The following EPHA3 variants were observed in gnomAD, a reference collection of about 807,000 sequenced individuals.
The protein encoded by EPHA3 is EPH receptor A3.
In EPHA3, 42 loss-of-function variants were observed where a neutral mutation model predicts 107.1. The observed-to-expected ratio is 0.39, with a 90% CI of 0.31 to 0.51. The LOEUF is 0.51. EPHA3 is among the 20% of genes least tolerant of loss of function. EPHA3 has a pLI of 0.78. For synonymous variants in EPHA3, 461 were observed against 424.8 expected (o/e 1.09, Z -1.05); for missense variants, 1,183 against 1,211.2 (o/e 0.98, Z 0.35).
chr3:89,122,311 G>C (rs995655341), intron 1 of EPHA3, among the ~76,000 whole-genome samples: 3 of 152,068 alleles, frequency 2.0e-5, no homozygotes, highest in African/African-American at 7.2e-5. Flanking sequence ...TTGTTGTAGT[G>C]GTTTTATAGT....
intron 3 of EPHA3, among the ~76,000 whole-genome samples, chr3:89,250,986 C>G (rs1182315086): frequency 6.6e-6 from 1 of 152,108 alleles, no homozygotes; most frequent in East Asian, 1.9e-4. Context: ...AAAGGATTAA[C>G]ATCTTTCATG....
intron 2 of EPHA3, among the ~76,000 whole-genome samples, chr3:89,143,743 G>A (rs929059791): frequency 2.6e-5 from 4 of 151,522 alleles, no homozygotes; most frequent in African/African-American, 9.7e-5. Context: ...ATAAGCTACA[G>A]ACTTTATTCA....
At chr3:89,229,583 T>C (rs1242226692) in intron 3 of EPHA3, among the ~76,000 whole-genome samples, 1 of 151,280 alleles carries the variant, frequency 6.6e-6, no homozygotes, top group African/African-American at 2.4e-5. Flanking sequence ...TTACTAAAAA[T>C]AATTATAATA....
chr3:89,242,480 C>A (rs1704922485), intron 3 of EPHA3, among the ~76,000 whole-genome samples: 1 of 152,144 alleles, frequency 6.6e-6, no homozygotes, highest in Non-Finnish European at 1.5e-5. Flanking sequence ...CTCTGTCGCC[C>A]AGGCTGCAGT....
intron 11 of EPHA3, among the ~76,000 whole-genome samples, chr3:89,424,832 T>C (rs886825450): frequency 2.0e-5 from 3 of 151,442 alleles, no homozygotes; most frequent in Non-Finnish European, 3.0e-5. Context: ...GTTGTTATCT[T>C]TGAAGATGTT....
intron 3 of EPHA3, among the ~76,000 whole-genome samples, chr3:89,238,340 G>A (rs1704820661): frequency 6.6e-6 from 1 of 152,146 alleles, no homozygotes; most frequent in African/African-American, 2.4e-5. Context: ...ATCTCATCAA[G>A]TAACAATAGA....
At chr3:89,360,553 G>A (rs80349338) in intron 5 of EPHA3, among the ~76,000 whole-genome samples, 1,772 of 150,990 alleles carry the variant, frequency 0.012, 42 homozygotes, top group African/African-American at 0.04. Flanking sequence ...ATCTACATCA[G>A]CATAGTCTAT....
intron 3 of EPHA3, among the ~76,000 whole-genome samples, chr3:89,252,796 T>C (rs997598029): frequency 4.1e-4 from 62 of 151,438 alleles, no homozygotes; most frequent in Middle Eastern, 3.2e-3. Flanking sequence ...AGATACAATA[T>C]GATTTGCAGG....
intron 2 of EPHA3, among the ~76,000 whole-genome samples, chr3:89,201,647 CT>C (rs1705971296): frequency 6.6e-6 from 1 of 152,134 alleles, no homozygotes; most frequent in South Asian, 2.1e-4. Context: ...TAATAATCAT[CT>C]TGTTTTCATG....
chr3:89,372,254 T>C (rs1708321310), intron 5 of EPHA3, among the ~76,000 whole-genome samples: 6 of 151,594 alleles, frequency 4.0e-5, no homozygotes, highest in Admixed American at 4.0e-4. Flanking sequence ...GGACAACTCA[T>C]AGCTTCACTA....
intron 3 of EPHA3, among the ~76,000 whole-genome samples, chr3:89,219,769 C>T (rs1244743479): frequency 2.7e-5 from 3 of 111,458 alleles, no homozygotes; most frequent in Admixed American, 1.2e-4. Flanking sequence ...AGTGCAGTGG[C>T]GGGATCTCGG....
At chr3:89,138,987 G>T (rs1559748734) in intron 2 of EPHA3, among the ~76,000 whole-genome samples, 1 of 151,778 alleles carries the variant, frequency 6.6e-6, no homozygotes, top group Non-Finnish European at 1.5e-5. Context: ...ACAAAAGAGT[G>T]TGTGTTGGGG....
At chr3:89,123,694 G>C (rs1473048055) in intron 1 of EPHA3, among the ~76,000 whole-genome samples, 2 of 151,924 alleles carry the variant, frequency 1.3e-5, no homozygotes, top group Non-Finnish European at 2.9e-5. Context: ...TACTTAAGAT[G>C]GTGTTTTCCA....
chr3:89,341,183 G>A, intron 4 of EPHA3, 112 bp downstream of exon 4: 2 of 1,168,438 alleles, frequency 1.7e-6, no homozygotes, highest in East Asian at 2.6e-5. Flanking sequence ...TGTTGCCCGT[G>A]TGCAAATTGA....
chr3:89,344,810 T>C (rs536079142), intron 5 of EPHA3, among the ~76,000 whole-genome samples: 23 of 152,256 alleles, frequency 1.5e-4, no homozygotes, highest in African/African-American at 5.5e-4. Flanking sequence ...TGTAAAAGCA[T>C]TGTGATGATC....
At chr3:89,274,089 C>T (rs1281382581) in intron 3 of EPHA3, among the ~76,000 whole-genome samples, 1 of 151,918 alleles carries the variant, frequency 6.6e-6, no homozygotes, top group Non-Finnish European at 1.5e-5. Context: ...GTCATGTCTA[C>T]AAATGACTAG....
At chr3:89,429,695 C>T (rs528812970) in intron 12 of EPHA3, among the ~76,000 whole-genome samples, 30 of 149,248 alleles carry the variant, frequency 2.0e-4, no homozygotes, top group African/African-American at 6.4e-4. Flanking sequence ...GTTTATCTAT[C>T]ATCTATCTAT....
intron 15 of EPHA3, among the ~76,000 whole-genome samples, chr3:89,453,176 C>A (rs1017760524): frequency 2.6e-5 from 4 of 151,840 alleles, no homozygotes; most frequent in African/African-American, 9.7e-5. Flanking sequence ...ACCCTGAAGG[C>A]ATTTATTTTG....
intron 3 of EPHA3, among the ~76,000 whole-genome samples, chr3:89,303,488 A>G (rs1417772654): frequency 6.6e-6 from 1 of 150,884 alleles, no homozygotes; most frequent in Non-Finnish European, 1.5e-5. Context: ...AGGAAGGAGG[A>G]TATAAAATGA....
Sources: gnomAD v4.1 joint callset for allele counts (sites outside exome capture counted in the v4.1 genomes callset) on GRCh38, gnomAD v4.1.1 for gene constraint, MANE v1.5 for transcripts, NCBI Gene and HGNC (gene_info 2026-07-23, HGNC 2026-07-21) for gene names.